The following DENND5A variants were observed in gnomAD, a reference collection of about 807,000 sequenced individuals.
The protein encoded by DENND5A is DENN domain containing 5A, also known as DENN domain-containing protein 5A.
A neutral mutation model predicts 140.3 loss-of-function variants in DENND5A; 64 were observed. That is an observed-to-expected ratio of 0.46 (90% CI 0.37 to 0.56). DENND5A has a LOEUF of 0.56. Among genes scored for constraint, DENND5A ranks in the 20% least tolerant of loss-of-function variants. The probability of loss-of-function intolerance (pLI) is 0.00; values close to 1 mark genes in which losing one functional copy is unlikely to be tolerated. For synonymous variants in DENND5A, 605 were observed against 607.7 expected (o/e 1.00, Z 0.07); for missense variants, 1,292 against 1,593.8 (o/e 0.81, Z 3.22).
chr11:9,185,733 T>C (rs766067322), intron 5 of DENND5A, among the ~76,000 whole-genome samples: 1 of 152,138 alleles, frequency 6.6e-6, no homozygotes, highest in South Asian at 2.1e-4. Flanking sequence ...CGTGTCTGTG[T>C]CTACGTGTGT....
At chr11:9,248,927 T>C (rs575361748) in intron 1 of DENND5A, among the ~76,000 whole-genome samples, 1 of 152,232 alleles carries the variant, frequency 6.6e-6, no homozygotes, top group Non-Finnish European at 1.5e-5. Context: ...GCATCAGAGA[T>C]GATACACCTG....
chr11:9,215,854 T>A (rs1850072646), intron 1 of DENND5A, among the ~76,000 whole-genome samples: 1 of 152,172 alleles, frequency 6.6e-6, no homozygotes, highest in Admixed American at 6.6e-5. Context: ...CTGGCCGTTC[T>A]TTTATATAAT....
intron 1 of DENND5A, among the ~76,000 whole-genome samples, chr11:9,259,275 C>G (rs1210855062): frequency 1.3e-5 from 2 of 150,350 alleles, no homozygotes; most frequent in Non-Finnish European, 3.0e-5. Flanking sequence ...AAATAAACAA[C>G]AGGCCAGGCG....
chr11:9,141,669 TA>T (rs1847245234), intron 22 of DENND5A, among the ~76,000 whole-genome samples: 1 of 152,218 alleles, frequency 6.6e-6, no homozygotes. Context: ...TCTCAACCTA[TA>T]AAAGGTACAG....
At chr11:9,219,884 G>A (rs1850240171) in intron 1 of DENND5A, among the ~76,000 whole-genome samples, 1 of 152,176 alleles carries the variant, frequency 6.6e-6, no homozygotes, top group African/African-American at 2.4e-5. Flanking sequence ...GCAAATCTCA[G>A]AGACAAAGAA....
At chr11:9,200,406 T>C (rs907671117) in intron 4 of DENND5A, among the ~76,000 whole-genome samples, 6 of 152,242 alleles carry the variant, frequency 3.9e-5, no homozygotes, top group African/African-American at 1.4e-4. Flanking sequence ...TCTAACTTCG[T>C]ATCTTAAACT....
At chr11:9,176,919 G>A (rs1167594018) in intron 8 of DENND5A, 1 of 456,148 alleles carries the variant, frequency 2.2e-6, no homozygotes, top group Non-Finnish European at 4.4e-6. Context: ...GACAATGAAA[G>A]TTGTTAGAAA....
chr11:9,183,986 G>A (rs576590318), intron 5 of DENND5A, among the ~76,000 whole-genome samples: 42 of 151,922 alleles, frequency 2.8e-4, no homozygotes, highest in Non-Finnish European at 5.4e-4. Flanking sequence ...GGGAGGCAGA[G>A]GTTGCAGGGA....
At chr11:9,184,406 T>C (rs1428572909) in intron 5 of DENND5A, among the ~76,000 whole-genome samples, 1 of 152,192 alleles carries the variant, frequency 6.6e-6, no homozygotes, top group African/African-American at 2.4e-5. Context: ...GTATTTACAC[T>C]GATTGTTATT....
At chr11:9,197,005 A>G (rs1849352781) in intron 4 of DENND5A, among the ~76,000 whole-genome samples, 1 of 151,928 alleles carries the variant, frequency 6.6e-6, no homozygotes, top group Admixed American at 6.6e-5. Flanking sequence ...AACACCTAAC[A>G]TAAAAAATAG....
Position 9,145,674 on chromosome 11 carries a change from A to G in DENND5A, c.2999T>C (p.Phe1000Ser). ...QIPRNVLEMT[F>S]ECQNLGKLTT... ...GTGGCCCCAAATAACACATACCTCGAAGGTCATCTCTAGCACATTCCTGGG... is the reference window on the plus strand; with the variant it reads ...GTGGCCCCAAATAACACATACCTCGGAGGTCATCTCTAGCACATTCCTGGG... The change falls in exon 17 of 23, where the codon TTC becomes TCC. Residue 1000 changes from phenylalanine (F) to serine (S), a missense_variant. Phe to Ser is a radical substitution (Grantham distance 155). This residue lies in a region of DENND5A where 498 missense variants were observed against 689.7 expected (regional missense o/e 0.72). Coordinates refer to ENST00000328194, the MANE Select transcript of DENND5A (RefSeq NM_015213.4). 2 of 1,614,158 alleles carry G rather than the reference A, an allele frequency of 1.2e-6. No homozygotes were observed. The highest frequency in any genetic ancestry group is 1.1e-5 in the South Asian group (1 of 91,078).
chr11:9,172,146 A>G (rs1848393556), intron 8 of DENND5A: 1 of 152,138 alleles, frequency 6.6e-6, no homozygotes, highest in Non-Finnish European at 1.5e-5. Context: ...TGCAGTCCCT[A>G]AGGTAGGGAT....
chr11:9,197,375 T>C (rs1456864305), intron 4 of DENND5A, among the ~76,000 whole-genome samples: 1 of 148,180 alleles, frequency 6.7e-6, no homozygotes, highest in South Asian at 2.2e-4. Flanking sequence ...AATTAAGAGA[T>C]TACTTCTCAG....
chr11:9,161,347 CAA>C (rs11354858), intron 11 of DENND5A, among the ~76,000 whole-genome samples: 57 of 145,748 alleles, frequency 3.9e-4, no homozygotes, highest in Non-Finnish European at 3.6e-4. Flanking sequence ...GACTCCGTCT[CAA>C]AAAAAAAAAA....
intron 4 of DENND5A, 59 bp from the exon 5 acceptor site, chr11:9,193,740 C>T: frequency 2.1e-6 from 3 of 1,414,698 alleles, no homozygotes; most frequent in Non-Finnish European, 1.9e-6. Context: ...AAGGCACTTG[C>T]TTTCCAAACA....
At position 9,150,774 on chromosome 11, in the gene DENND5A, A is replaced by G; in HGVS notation, c.2522-10T>C. On this transcript the variant is annotated splice_polypyrimidine_tract_variant and intron_variant, in intron 13 of 22. Coordinates refer to ENST00000328194, the MANE Select transcript of DENND5A (RefSeq NM_015213.4). ...GAATCAAGAAGTATTCCTAGAATAA[A>G]CAAGTTGGTCATGTCCAAAGAGATC... 6.2e-7 allele frequency: 1 copy of G among 1,600,676 alleles called. No individual in the cohort carries two copies. Among genetic ancestry groups the G allele is most frequent in the Non-Finnish European group, 8.6e-7 (1 of 1,168,556 alleles).
intron 10 of DENND5A, among the ~76,000 whole-genome samples, chr11:9,167,973 G>C (rs1848245191): frequency 6.6e-6 from 1 of 152,050 alleles, no homozygotes; most frequent in Non-Finnish European, 1.5e-5. Context: ...CATTTCAAAA[G>C]CTTATTCTCT....
chr11:9,210,784 C>T (rs1350575030), intron 1 of DENND5A, among the ~76,000 whole-genome samples: 5 of 152,234 alleles, frequency 3.3e-5, no homozygotes, highest in African/African-American at 1.2e-4. Context: ...CCTCTGACTT[C>T]AGCCTCCCTT....
intron 1 of DENND5A, among the ~76,000 whole-genome samples, chr11:9,222,445 T>A (rs1333544203): frequency 6.6e-6 from 1 of 152,224 alleles, no homozygotes; most frequent in Non-Finnish European, 1.5e-5. Context: ...CTAAGTAGAC[T>A]TAAAATACTG....
Sources: gnomAD v4.1 joint callset for allele counts (sites outside exome capture counted in the v4.1 genomes callset) on GRCh38, gnomAD v4.1.1 for gene constraint, gnomAD v4.1.1 regional missense constraint, MANE v1.5 for transcripts, NCBI Gene and HGNC (gene_info 2026-07-23, HGNC 2026-07-21) for gene names.